Variants in ACOXL observed in about 807,000 individuals in gnomAD.
ACOXL encodes the protein acyl-CoA oxidase like.
A neutral mutation model predicts 71.9 loss-of-function variants in ACOXL; 70 were observed. The observed-to-expected ratio is 0.97, with a 90% CI of 0.80 to 1.19. The LOEUF (loss-of-function observed/expected upper bound fraction) is 1.19, where lower values mean the gene tolerates loss of function less well. ACOXL is among the 50% of genes most tolerant of loss of function. The probability of loss-of-function intolerance (pLI) is 0.00; values close to 1 mark genes in which losing one functional copy is unlikely to be tolerated. For missense variants in ACOXL, 703 were observed against 736.3 expected, an observed-to-expected ratio of 0.95 and a Z score of 0.52; for synonymous variants, 253 against 281.6, an observed-to-expected ratio of 0.90 and a Z score of 1.02.
At position 110,987,271 on chromosome 2, in the gene ACOXL, T is replaced by C; in HGVS notation, c.1169+54T>C. 4.1e-6 allele frequency: 6 copies of C among 1,480,946 alleles called. No individual in the cohort carries two copies. In the South Asian group the frequency reaches 6.1e-5, roughly 15 times the overall value. 91.7% of individuals were successfully genotyped at this position (1,480,946 alleles called of 1,614,324 possible). On this transcript the variant is annotated intron_variant, in intron 13 of 17. Transcript: ENST00000439055. ...GCCTTCAGTGGGTTATCATGAAGCCTGAGTTCATACAGCCTTGGCATAACT... is the reference window on the plus strand; with the variant it reads ...GCCTTCAGTGGGTTATCATGAAGCCCGAGTTCATACAGCCTTGGCATAACT...
At chr2:110,914,272 G>T (rs961669573) in intron 11 of ACOXL, among the ~76,000 whole-genome samples, 1 of 152,130 alleles carries the variant, frequency 6.6e-6, no homozygotes, top group East Asian at 1.9e-4. Context: ...TAGAGTCTTT[G>T]CAAGTCTGTT....
rs144065332 is a variant in ACOXL, at chr2:111,042,586, T to G, written c.1370-6632T>G. On this transcript the variant is annotated intron_variant, in intron 15 of 17. Coordinates refer to ENST00000439055, the MANE Select transcript of ACOXL (RefSeq NM_001142807.4). ...ACAGGGAATGACAAGGGGCCTGCCT[T>G]ATCAGGAGGAAGGTGTTTGGGAGAA... is the stretch of plus-strand genomic sequence containing the variant. Among the ~76,000 whole-genome samples the G allele has an allele frequency of 2.1e-4, 32 of 152,276 alleles. 1 individual carries two copies. In the East Asian group the frequency reaches 6.2e-3, roughly 29 times the overall value.
At chr2:110,863,066 A>C (rs1346223702) in intron 10 of ACOXL, among the ~76,000 whole-genome samples, 1 of 152,270 alleles carries the variant, frequency 6.6e-6, no homozygotes, top group Non-Finnish European at 1.5e-5. Context: ...AGAGAAAATG[A>C]AATGTAAATA....
chr2:110,880,153 C>CAAAAAAAA (rs56852121), intron 10 of ACOXL, among the ~76,000 whole-genome samples: 20 of 84,722 alleles, frequency 2.4e-4, no homozygotes, highest in East Asian at 3.5e-4. Flanking sequence ...CTGTCACAAA[C>CAAAAAAAA]AAAAAAAAAA....
intron 14 of ACOXL, among the ~76,000 whole-genome samples, chr2:111,021,079 C>T (rs2064735517): frequency 6.6e-6 from 1 of 152,210 alleles, no homozygotes; most frequent in African/African-American, 2.4e-5. Flanking sequence ...ATTTCACCTG[C>T]TCCACCTTGC....
At chr2:110,993,828 T>G (rs2063281151) in intron 13 of ACOXL, among the ~76,000 whole-genome samples, 1 of 152,368 alleles carries the variant, frequency 6.6e-6, no homozygotes, top group East Asian at 1.9e-4. Context: ...TTCTGGTGGA[T>G]GTATAATGCT....
chr2:110,829,473 G>A (rs966328533), intron 9 of ACOXL, among the ~76,000 whole-genome samples: 2 of 152,196 alleles, frequency 1.3e-5, no homozygotes, highest in Non-Finnish European at 2.9e-5. Flanking sequence ...AATTGTCCTA[G>A]AAATATTCAG....
intron 17 of ACOXL, among the ~76,000 whole-genome samples, chr2:111,096,833 T>C (rs1472372018): frequency 6.6e-6 from 1 of 152,218 alleles, no homozygotes; most frequent in Non-Finnish European, 1.5e-5. Context: ...GACACCTACC[T>C]TAAACCAAAT....
chr2:110,857,315 C>T (rs367580652), intron 10 of ACOXL, among the ~76,000 whole-genome samples: 7 of 152,196 alleles, frequency 4.6e-5, no homozygotes, highest in African/African-American at 9.6e-5. Flanking sequence ...ACTTTTTTTC[C>T]GGAAACCCTT....
At chr2:110,990,894 G>A (rs67234811) in intron 13 of ACOXL, among the ~76,000 whole-genome samples, 10,096 of 152,080 alleles carry the variant, frequency 0.066, 423 homozygotes, top group East Asian at 0.22. Flanking sequence ...TCTTGGATTT[G>A]GCTTGTTAGT....
At chr2:110,776,785 G>A (rs1358062209) in intron 2 of ACOXL, among the ~76,000 whole-genome samples, 1 of 152,118 alleles carries the variant, frequency 6.6e-6, no homozygotes, top group African/African-American at 2.4e-5. Flanking sequence ...TGGAGGGACT[G>A]AGTGGAGCAG....
At chr2:111,055,218 G>A (rs950070933) in intron 16 of ACOXL, among the ~76,000 whole-genome samples, 2 of 152,108 alleles carry the variant, frequency 1.3e-5, no homozygotes, top group Admixed American at 6.5e-5. Flanking sequence ...TTTGGTTCTC[G>A]TAAGGTGCTC....
chr2:111,077,039 C>T (rs563601441), intron 16 of ACOXL, among the ~76,000 whole-genome samples: 10 of 152,170 alleles, frequency 6.6e-5, no homozygotes, highest in African/African-American at 1.4e-4. Context: ...ATCTTAACTA[C>T]ACCTGTAAAG....
At chr2:110,944,866 A>G (rs1330862751) in intron 12 of ACOXL, among the ~76,000 whole-genome samples, 1 of 152,246 alleles carries the variant, frequency 6.6e-6, no homozygotes, top group Non-Finnish European at 1.5e-5. Flanking sequence ...ATAACCAATA[A>G]TGAGATTTCT....
At chr2:110,886,610 C>T (rs954044801) in intron 10 of ACOXL, among the ~76,000 whole-genome samples, 2 of 152,074 alleles carry the variant, frequency 1.3e-5, no homozygotes, top group African/African-American at 4.8e-5. Flanking sequence ...AATTCCTAAC[C>T]TCAGGTGATC....
chr2:111,113,925 T>C (rs931066413), intron 17 of ACOXL, among the ~76,000 whole-genome samples: 2 of 152,250 alleles, frequency 1.3e-5, no homozygotes, highest in Non-Finnish European at 2.9e-5. Context: ...CATTAATGGC[T>C]CACCAATATC....
At chr2:110,987,374 C>T (rs1015891453) in intron 13 of ACOXL, among the ~76,000 whole-genome samples, 157 bp downstream of exon 13, 1 of 152,360 alleles carries the variant, frequency 6.6e-6, no homozygotes, top group East Asian at 1.9e-4. Context: ...CATACACTCA[C>T]TACCAACTTA....
chr2:111,030,156 T>A (rs538238245), intron 14 of ACOXL, among the ~76,000 whole-genome samples: 109 of 152,268 alleles, frequency 7.2e-4, no homozygotes, highest in Middle Eastern at 3.4e-3. Context: ...CGGTGCATGA[T>A]TAGGAGGTTA....
intron 10 of ACOXL, among the ~76,000 whole-genome samples, chr2:110,862,890 AT>A (rs1346978234): frequency 6.6e-6 from 1 of 152,174 alleles, no homozygotes; most frequent in Non-Finnish European, 1.5e-5. Flanking sequence ...CGGGGCCCTT[AT>A]CCCACAGGCA....
Sources: allele counts gnomAD v4.1 joint callset (sites outside exome capture counted in the v4.1 genomes callset), GRCh38; gene constraint gnomAD v4.1.1; transcripts MANE v1.5; gene names NCBI Gene and HGNC (gene_info 2026-07-23, HGNC 2026-07-21).